Variants in OSBPL10 observed in about 807,000 individuals in gnomAD.
OSBPL10 encodes the protein oxysterol binding protein like 10, also known as oxysterol-binding protein-related protein 10.
A neutral mutation model predicts 81.7 loss-of-function variants in OSBPL10; 49 were observed. The observed-to-expected ratio is 0.60, with a 90% confidence interval of 0.48 to 0.76. The LOEUF is 0.76. Among genes scored for constraint, OSBPL10 ranks in the 30% least tolerant of loss-of-function variants. The pLI, the probability that OSBPL10 is intolerant of heterozygous loss-of-function variation, is 0.00. For missense variants in OSBPL10, 923 were observed against 987.8 expected (o/e 0.93, Z 0.88); for synonymous variants, 419 against 383.6 (o/e 1.09, Z -1.08).
intron 2 of OSBPL10, chr3:31,989,564 A>C (rs750571902): frequency 5.0e-6 from 8 of 1,614,096 alleles, no homozygotes; most frequent in Non-Finnish European, 6.8e-6. Context: ...TTTCATTCGC[A>C]TCTTCCTGAA....
intron 4 of OSBPL10, among the ~76,000 whole-genome samples, chr3:31,808,250 A>G (rs987910084): frequency 5.9e-5 from 9 of 152,262 alleles, no homozygotes; most frequent in African/African-American, 2.2e-4. Flanking sequence ...GGGAGAAAGG[A>G]CGAGGCAAGC....
At chr3:32,027,302 TG>T (rs1699425330) in intron 2 of OSBPL10, among the ~76,000 whole-genome samples, 1 of 152,116 alleles carries the variant, frequency 6.6e-6, no homozygotes, top group Non-Finnish European at 1.5e-5. Context: ...ATCTTAAAAA[TG>T]CGAATACTAT....
At chr3:31,815,914 G>A (rs1413566180) in intron 4 of OSBPL10, among the ~76,000 whole-genome samples, 4 of 152,142 alleles carry the variant, frequency 2.6e-5, no homozygotes, top group African/African-American at 9.7e-5. Flanking sequence ...ATTGCCACGT[G>A]AGATAAAAAC....
chr3:32,035,582 A>AT (rs1209530054), intron 2 of OSBPL10, among the ~76,000 whole-genome samples: 18 of 151,696 alleles, frequency 1.2e-4, no homozygotes, highest in South Asian at 4.2e-4. Flanking sequence ...AAAAAAAAAA[A>AT]AATCAGACAT....
At chr3:31,927,124 A>G (rs1017320875) in intron 1 of OSBPL10, among the ~76,000 whole-genome samples, 9 of 152,148 alleles carry the variant, frequency 5.9e-5, no homozygotes, top group East Asian at 5.8e-4. Flanking sequence ...AACAACAACA[A>G]CAACAAAAAG....
chr3:31,748,263 TACTC>T lies in OSBPL10; in HGVS notation c.730-147_730-144del, dbSNP rs1163643842. The T allele has an allele frequency of 4.0e-6, 3 of 741,944 alleles. No individual in the cohort carries two copies. The Admixed American group carries it at 7.1e-5, about 17-fold the overall frequency. 46.0% of individuals were successfully genotyped at this position (741,944 alleles called of 1,614,324 possible). The stretch of plus-strand genomic sequence containing the variant: ...CGGTGCACATTCGTCTTTTGATAAA[TACTC>T]AATCCTGGGTGAAATCTGTCAAGGC... On this transcript the variant is annotated intron_variant, in intron 4 of 11. Coordinates refer to ENST00000396556, the MANE Select transcript of OSBPL10 (RefSeq NM_017784.5).
intron 4 of OSBPL10, among the ~76,000 whole-genome samples, chr3:31,817,487 C>T (rs999676895): frequency 1.3e-5 from 2 of 152,126 alleles, no homozygotes; most frequent in Admixed American, 6.5e-5. Flanking sequence ...TGCTTGTCCC[C>T]GGCTCCTGCC....
chr3:31,752,136 T>C (rs1697742554), intron 4 of OSBPL10, among the ~76,000 whole-genome samples: 2 of 152,108 alleles, frequency 1.3e-5, no homozygotes, highest in African/African-American at 2.4e-5. Context: ...CCTACCAGCT[T>C]ATCAACAAAG....
chr3:31,725,540 C>G (rs529915446), intron 6 of OSBPL10, among the ~76,000 whole-genome samples: 1 of 152,262 alleles, frequency 6.6e-6, no homozygotes, highest in South Asian at 2.1e-4. Flanking sequence ...TGATGAGAGA[C>G]CCTCACACAA....
chr3:31,944,833 T>TAAAA lies in OSBPL10; in HGVS notation c.281+36062_281+36065dup, dbSNP rs869140991. ...GCAACAGAGCAAGACCCCCTCTCTT[T>TAAAA]AAAAAAAAAAAAAAAAAAAAAAAAA... On this transcript the variant is annotated intron_variant, in intron 1 of 11. Coordinates refer to ENST00000396556, the MANE Select transcript of OSBPL10 (RefSeq NM_017784.5). Among the ~76,000 whole-genome samples, 3 of 55,116 alleles carry TAAAA rather than the reference T, an allele frequency of 5.4e-5. 1 individual carries two copies. Among genetic ancestry groups the TAAAA allele is most frequent in the Non-Finnish European group, 1.2e-4 (3 of 24,794 alleles). The allele number at this position is 55,116 out of a possible 152,430, so 36.2% of individuals were successfully genotyped here. A position where few individuals can be genotyped will look rare whatever the true frequency, so the allele number is the denominator to read the frequency against.
Position 31,863,506 on chromosome 3 carries a change from A to T in OSBPL10, c.537+12927T>A, listed in dbSNP as rs1701107211. Among the ~76,000 whole-genome samples, 5 of 152,346 alleles carry T rather than the reference A, an allele frequency of 3.3e-5. No individual in the cohort carries two copies. The South Asian group carries it at 1.0e-3, about 32-fold the overall frequency. Reference sequence around the variant, plus strand: ...CTATGCCACCTTGGGCTTATCACAAATCTACTCTGTGCCTCAGTGTCCTCA... The same window carrying T: ...CTATGCCACCTTGGGCTTATCACAATTCTACTCTGTGCCTCAGTGTCCTCA... On this transcript the variant is annotated intron_variant, in intron 3 of 11. Transcript: ENST00000396556.
Position 31,683,692 on chromosome 3 carries a change from A to G in OSBPL10, c.1668T>C (p.His556=), listed in dbSNP as rs768751290. Residue 556 remains histidine (H), a synonymous_variant, in exon 8 of 12, where the codon CAT becomes CAC. Coordinates refer to ENST00000396556, the MANE Select transcript of OSBPL10 (RefSeq NM_017784.5). ...CCATGAACTTGCTTTTGGTCCATAC[A>G]TGAGTGTTGACGCACAGTCTCTTCT... ...CEEKRLCVNT[H]VWTKSKFMGM... The G allele has an allele frequency of 3.7e-6, 6 of 1,614,192 alleles. No individual in the cohort carries two copies. Among genetic ancestry groups the G allele is most frequent in the East Asian group, 4.5e-5 (2 of 44,872 alleles).
intron 5 of OSBPL10, among the ~76,000 whole-genome samples, chr3:31,736,542 A>G (rs1697179662): frequency 1.3e-5 from 2 of 152,210 alleles, no homozygotes; most frequent in South Asian, 2.1e-4. Context: ...TGCCTTTCCT[A>G]CTGACCAATT....
chr3:31,723,391 C>T (rs1390697624), intron 6 of OSBPL10, among the ~76,000 whole-genome samples: 29 of 152,150 alleles, frequency 1.9e-4, no homozygotes, highest in Admixed American at 1.9e-3. Context: ...CCCGGGGTGG[C>T]TGGGGACAGG....
chr3:31,983,480 T>C (rs532836821), upstream of OSBPL10, among the ~76,000 whole-genome samples: 4 of 152,030 alleles, frequency 2.6e-5, no homozygotes, highest in Non-Finnish European at 5.9e-5. Context: ...CCAGTTCAAG[T>C]GGGGAAGGAA....
chr3:31,720,057 T>TAA (rs60844117), intron 6 of OSBPL10, among the ~76,000 whole-genome samples: 2 of 148,464 alleles, frequency 1.3e-5, no homozygotes, highest in African/African-American at 2.4e-5. Context: ...TATATATATA[T>TAA]TATATATATT....
chr3:31,952,312 T>G (rs1697892798), intron 1 of OSBPL10, among the ~76,000 whole-genome samples: 1 of 151,850 alleles, frequency 6.6e-6, no homozygotes, highest in Admixed American at 6.5e-5. Flanking sequence ...TTTCTTGTTT[T>G]CACCTTCTGA....
intron 2 of OSBPL10, among the ~76,000 whole-genome samples, chr3:32,012,855 C>T (rs560342443): frequency 1.8e-4 from 27 of 152,178 alleles, no homozygotes; most frequent in African/African-American, 5.3e-4. Context: ...AAGGCCATTA[C>T]ATAATGGTAA....
intron 4 of OSBPL10, among the ~76,000 whole-genome samples, chr3:31,828,325 CAG>C (rs1700148460): frequency 6.6e-6 from 1 of 152,004 alleles, no homozygotes; most frequent in Non-Finnish European, 1.5e-5. Context: ...GAAATAAAAA[CAG>C]ATAAAACAAG....
Sources: gnomAD v4.1 joint callset for allele counts (sites outside exome capture counted in the v4.1 genomes callset) on GRCh38, gnomAD v4.1.1 for gene constraint, MANE v1.5 for transcripts, NCBI Gene and HGNC (gene_info 2026-07-23, HGNC 2026-07-21) for gene names.